ADAMTSL1: variants seen among roughly 807,000 people sequenced by gnomAD.
ADAMTSL1 encodes the protein ADAMTS like 1, also known as ADAMTS-like protein 1.
A neutral mutation model predicts 201.8 loss-of-function variants in ADAMTSL1; 126 were observed. That is an observed-to-expected ratio of 0.62 (90% CI 0.54 to 0.72). The LOEUF is 0.72. ADAMTSL1 is among the 30% of genes least tolerant of loss of function. ADAMTSL1 has a pLI of 0.00. For synonymous variants in ADAMTSL1, 1,121 were observed against 903.4 expected, an observed-to-expected ratio of 1.24 and a Z score of -4.32; for missense variants, 2,679 against 2,277.8, an observed-to-expected ratio of 1.18 and a Z score of -3.59.
rs373005001 is a variant in ADAMTSL1, at chr9:18,510,247, A to G, written c.191+5291A>G. 3.3e-5 allele frequency among the ~76,000 whole-genome samples: 5 copies of G among 152,338 alleles called. No homozygotes were observed. In the South Asian group the frequency reaches 8.3e-4, roughly 25 times the overall value. On this transcript the variant is annotated intron_variant, in intron 2 of 28. Coordinates refer to ENST00000380548, the MANE Select transcript of ADAMTSL1 (RefSeq NM_001040272.6). ...CTTAGATTTTGTGGAATAAATGACAACTACTCAACTTCTGGAGTTAATTTT... is the reference window on the plus strand; with the variant it reads ...CTTAGATTTTGTGGAATAAATGACAGCTACTCAACTTCTGGAGTTAATTTT...
intron 2 of ADAMTSL1, among the ~76,000 whole-genome samples, chr9:18,165,692 G>T (rs374378760): frequency 2.6e-5 from 4 of 151,896 alleles, no homozygotes; most frequent in East Asian, 1.9e-4. Context: ...AACAAGAAAA[G>T]TTCAAAGTTT....
At chr9:18,430,231 G>C (rs948839839) in intron 2 of ADAMTSL1, among the ~76,000 whole-genome samples, 1 of 152,176 alleles carries the variant, frequency 6.6e-6, no homozygotes, top group African/African-American at 2.4e-5. Flanking sequence ...GTGCCGGGTG[G>C]TTTCTAGACA....
chr9:18,423,581 C>T (rs1391002435), intron 2 of ADAMTSL1, among the ~76,000 whole-genome samples: 1 of 152,170 alleles, frequency 6.6e-6, no homozygotes, highest in Non-Finnish European at 1.5e-5. Flanking sequence ...AGGGATGCAG[C>T]TCCTTAAGTA....
intron 14 of ADAMTSL1, among the ~76,000 whole-genome samples, chr9:18,712,822 G>T (rs1050804461): frequency 6.6e-6 from 1 of 150,790 alleles, no homozygotes; most frequent in Non-Finnish European, 1.5e-5. Flanking sequence ...TTGAAATGAA[G>T]GAAAAAATGT....
At chr9:18,023,380 G>A (rs1820561451) in intron 1 of ADAMTSL1, among the ~76,000 whole-genome samples, 1 of 152,112 alleles carries the variant, frequency 6.6e-6, no homozygotes, top group South Asian at 2.1e-4. Context: ...ATCTAGGACA[G>A]TGTTTCTGTG....
Position 18,574,062 on chromosome 9 carries a change from T to C in ADAMTSL1, c.270T>C (p.Ala90=). The C allele has an allele frequency of 6.2e-7, 1 of 1,614,000 alleles. No individual in the cohort carries two copies. Among genetic ancestry groups the C allele is most frequent in the Non-Finnish European group, 8.5e-7 (1 of 1,179,934 alleles). Residue 90 remains alanine, a synonymous_variant, in exon 4 of 29, where the codon GCT becomes GCC. Coordinates refer to ENST00000380548, the MANE Select transcript of ADAMTSL1 (RefSeq NM_001040272.6). ...DCPPEAGDFR[A]QQCSAHNDVK... is the part of the protein sequence containing the mutation. ...CACCAGAAGCAGGTGATTTCCGAGC[T>C]CAGCAATGCTCAGCTCATAATGATG...
rs776746391 is a variant in ADAMTSL1, at chr9:18,617,840, C to CA, written c.475-4402dup. ...GATTAAAATATTGCAAAATAAGCAA[C>CA]ACTGTGCAGTGATTCTGGATGAGGA... On this transcript the variant is annotated intron_variant, in intron 4 of 28. Coordinates refer to ENST00000380548, the MANE Select transcript of ADAMTSL1 (RefSeq NM_001040272.6). 1.8e-4 allele frequency among the ~76,000 whole-genome samples: 27 copies of CA among 152,270 alleles called. No individual in the cohort carries two copies. The South Asian group carries it at 5.6e-3, about 32-fold the overall frequency.
At chr9:17,913,776 G>A (rs10810871) in intron 1 of ADAMTSL1, among the ~76,000 whole-genome samples, 18,724 of 150,242 alleles carry the variant, frequency 0.12, 1,181 homozygotes, top group Middle Eastern at 0.14. Context: ...GACCGCTAGC[G>A]AGACTAATAA....
rs1317117375 is a variant in ADAMTSL1 at position 18,008,051 on chromosome 9, G to T, written c.87+101129G>T. ...TTTGCTCTAATTAGAAAGAAAAGAA[G>T]ATATGATAACACTGCATTGGTAATT... is the stretch of plus-strand genomic sequence containing the variant. On this transcript the variant is annotated intron_variant, in intron 1 of 29. Coordinates refer to the ADAMTSL1 transcript ENST00000680146. Among the ~76,000 whole-genome samples, 2 of 151,984 alleles carry T rather than the reference G, an allele frequency of 1.3e-5. 1 individual carries two copies. Among genetic ancestry groups the T allele is most frequent in the South Asian group, 4.1e-4 (2 of 4,828 alleles).
At chr9:18,121,942 AGC>A (rs1825518253) in intron 1 of ADAMTSL1, among the ~76,000 whole-genome samples, 1 of 152,138 alleles carries the variant, frequency 6.6e-6, no homozygotes, top group Non-Finnish European at 1.5e-5. Context: ...CCCAGCCCCT[AGC>A]CACCACTGAC....
chr9:18,668,073 C>G (rs372262378), intron 9 of ADAMTSL1, among the ~76,000 whole-genome samples: 8 of 151,374 alleles, frequency 5.3e-5, no homozygotes, highest in African/African-American at 1.7e-4. Flanking sequence ...AAATGGTTGA[C>G]TTATTTAGCA....
intron 2 of ADAMTSL1, among the ~76,000 whole-genome samples, chr9:18,438,850 G>C (rs996248888): frequency 6.6e-6 from 1 of 152,106 alleles, no homozygotes; most frequent in Non-Finnish European, 1.5e-5. Flanking sequence ...TGCACCACGT[G>C]CATTTCCCCA....
intron 16 of ADAMTSL1, among the ~76,000 whole-genome samples, chr9:18,757,299 A>ATCCTCCTCCTCC (rs141290322): frequency 5.3e-5 from 8 of 150,916 alleles, no homozygotes; most frequent in Non-Finnish European, 8.9e-5. Flanking sequence ...ACTCATCATC[A>ATCCTCCTCCTCC]TCCTCCTCCT....
intron 1 of ADAMTSL1, among the ~76,000 whole-genome samples, chr9:18,161,519 C>A (rs1289803432): frequency 6.6e-6 from 1 of 151,998 alleles, no homozygotes; most frequent in Admixed American, 6.6e-5. Flanking sequence ...TTAGTCCTTT[C>A]AAAAAACACC....
chr9:18,784,880 C>G (rs977237799), intron 19 of ADAMTSL1, among the ~76,000 whole-genome samples: 7 of 152,162 alleles, frequency 4.6e-5, no homozygotes, highest in African/African-American at 1.4e-4. Flanking sequence ...AGTAATCGAG[C>G]TGGGGTGAGG....
At chr9:18,387,354 T>C (rs1446301724) in intron 2 of ADAMTSL1, among the ~76,000 whole-genome samples, 1 of 152,022 alleles carries the variant, frequency 6.6e-6, no homozygotes, top group Non-Finnish European at 1.5e-5. Flanking sequence ...AATCCTCCTA[T>C]ACAGCCTTGC....
chr9:18,005,096 C>T (rs779749415), intron 1 of ADAMTSL1, among the ~76,000 whole-genome samples: 16 of 152,020 alleles, frequency 1.1e-4, no homozygotes, highest in African/African-American at 2.2e-4. Flanking sequence ...CGGTAGCTTA[C>T]GCTATAATGA....
At chr9:18,702,067 A>G (rs1831955828) in intron 13 of ADAMTSL1, among the ~76,000 whole-genome samples, 1 of 152,172 alleles carries the variant, frequency 6.6e-6, no homozygotes, top group Non-Finnish European at 1.5e-5. Context: ...GCAGGCAAAA[A>G]AGAGAGCTCG....
chr9:18,567,656 G>T (rs1358244168), intron 3 of ADAMTSL1, among the ~76,000 whole-genome samples: 1 of 152,012 alleles, frequency 6.6e-6, no homozygotes, highest in Non-Finnish European at 1.5e-5. Context: ...TATTCTCAGG[G>T]AATATGCTCC....
Sources: gnomAD v4.1 joint callset for allele counts (sites outside exome capture counted in the v4.1 genomes callset) on GRCh38, gnomAD v4.1.1 for gene constraint, MANE v1.5 for transcripts, NCBI Gene and HGNC (gene_info 2026-07-23, HGNC 2026-07-21) for gene names.